The following MTUS1 variants were observed in gnomAD, a reference collection of about 807,000 sequenced individuals.
The protein encoded by MTUS1 is microtubule associated scaffold protein 1, also known as microtubule-associated tumor suppressor 1.
A neutral mutation model predicts 120.8 loss-of-function variants in MTUS1; 109 were observed. The observed-to-expected ratio is 0.90, with a 90% CI of 0.77 to 1.06. The LOEUF (loss-of-function observed/expected upper bound fraction) is 1.06. Ranked by LOEUF, MTUS1 falls within the 50% of genes least tolerant of loss-of-function variation. The pLI, the probability that MTUS1 is intolerant of heterozygous loss-of-function variation, is 0.00. For synonymous variants in MTUS1, 737 were observed against 550.5 expected (o/e 1.34, Z -4.74); for missense variants, 2,210 against 1,486.3 (o/e 1.49, Z -8.01).
intron 1 of MTUS1, among the ~76,000 whole-genome samples, chr8:17,775,577 T>G (rs980596526): frequency 6.6e-6 from 1 of 152,254 alleles, no homozygotes; most frequent in Non-Finnish European, 1.5e-5. Flanking sequence ...TTGCAAGTTC[T>G]TTGTTAAAAT....
intron 8 of MTUS1, chr8:17,674,479 G>C: frequency 1.0e-6 from 1 of 985,220 alleles, no homozygotes; most frequent in Non-Finnish European, 1.2e-6. Context: ...GCAGTGTCGT[G>C]TCTGTTCCAT....
intron 4 of MTUS1, chr8:17,722,624 A>G (rs1389267493): frequency 1.1e-6 from 1 of 950,210 alleles, no homozygotes; most frequent in East Asian, 1.2e-4. Flanking sequence ...GTGCTCATTA[A>G]TTCGGTCATT....
chr8:17,758,605 A>C lies in MTUS1; in HGVS notation c.-154-2644T>G, dbSNP rs145518201. Among the ~76,000 whole-genome samples the C allele has an allele frequency of 1.4e-3, 209 of 152,374 alleles. 1 individual carries two copies. The highest frequency in any genetic ancestry group is 4.6e-3 in the African/African-American group (190 of 41,600). On this transcript the variant is annotated intron_variant, in intron 1 of 14. Coordinates refer to ENST00000693296, the MANE Select transcript of MTUS1 (RefSeq NM_001363059.2). ...AATATATTTATTCATTTTTAGGCTT[A>C]CATGCAGGGGATATAATTTCCAAAA...
chr8:17,793,922 A>G (rs1217289846), intron 1 of MTUS1, among the ~76,000 whole-genome samples: 2 of 152,176 alleles, frequency 1.3e-5, no homozygotes, highest in Non-Finnish European at 1.5e-5. Context: ...CACTTTTCAC[A>G]ATGATTGGGG....
intron 2 of MTUS1, among the ~76,000 whole-genome samples, chr8:17,744,575 C>T (rs911879243): frequency 6.6e-6 from 1 of 151,750 alleles, no homozygotes; most frequent in African/African-American, 2.4e-5. Context: ...TGCACACCAC[C>T]ATCAATCTTT....
chr8:17,711,103 C>T (rs187983381), intron 6 of MTUS1, among the ~76,000 whole-genome samples: 13 of 152,278 alleles, frequency 8.5e-5, no homozygotes, highest in African/African-American at 2.2e-4. Flanking sequence ...GTAGATTTAA[C>T]GTAATTCTTA....
At chr8:17,762,502 C>G (rs191357547) in intron 1 of MTUS1, among the ~76,000 whole-genome samples, 7 of 152,198 alleles carry the variant, frequency 4.6e-5, no homozygotes, top group Non-Finnish European at 1.0e-4. Flanking sequence ...TAATAGCCAC[C>G]TCAAGCACTA....
At chr8:17,707,301 T>C (rs1467003584) in intron 6 of MTUS1, among the ~76,000 whole-genome samples, 1 of 152,246 alleles carries the variant, frequency 6.6e-6, no homozygotes, top group Admixed American at 6.5e-5. Flanking sequence ...CAGCATCATT[T>C]TTCAGCATCA....
intron 7 of MTUS1, among the ~76,000 whole-genome samples, chr8:17,681,289 G>T (rs968914360): frequency 1.3e-5 from 2 of 152,174 alleles, no homozygotes; most frequent in African/African-American, 4.8e-5. Context: ...TTAAATGCAA[G>T]TGGTGATGTG....
At chr8:17,760,539 C>T (rs2048964015) in intron 1 of MTUS1, among the ~76,000 whole-genome samples, 1 of 152,124 alleles carries the variant, frequency 6.6e-6, no homozygotes, top group South Asian at 2.1e-4. Context: ...CCGGCCTTCG[C>T]TCAGGAGTTT....
intron 4 of MTUS1, 130 bp from the exon 5 acceptor site, chr8:17,716,031 A>G: frequency 1.3e-6 from 1 of 777,246 alleles, no homozygotes; most frequent in South Asian, 1.8e-5. Flanking sequence ...ATTACTGAAC[A>G]TTGGGAATAC....
chr8:17,715,343 G>A (rs1420394221), intron 5 of MTUS1, among the ~76,000 whole-genome samples: 4 of 152,248 alleles, frequency 2.6e-5, no homozygotes, highest in East Asian at 1.9e-4. Flanking sequence ...TGAGGGATAT[G>A]AGAAGGAACA....
rs150394480 is a variant in MTUS1, at chr8:17,669,896, C to T, written c.2905+5290G>A. ...AGTAGAGACACATGTCAGCCTGACT[C>T]TAAGTACAGATCCTGGCCGCAAGTG... is the stretch of plus-strand genomic sequence containing the variant. On this transcript the variant is annotated intron_variant, in intron 8 of 14. Coordinates refer to ENST00000693296, the MANE Select transcript of MTUS1 (RefSeq NM_001363059.2). Among the ~76,000 whole-genome samples, 1,011 of 152,252 alleles carry T rather than the reference C, an allele frequency of 6.6e-3. 11 individuals are homozygous for T. The highest frequency in any genetic ancestry group is 0.023 in the African/African-American group (952 of 41,546).
chr8:17,711,628 T>A (rs1821319230), intron 6 of MTUS1, among the ~76,000 whole-genome samples: 1 of 152,210 alleles, frequency 6.6e-6, no homozygotes, highest in Admixed American at 6.5e-5. Flanking sequence ...CTTATTTGAG[T>A]GTTCACTAGA....
intron 1 of MTUS1, among the ~76,000 whole-genome samples, chr8:17,775,424 A>G (rs962145135): frequency 6.6e-6 from 1 of 152,108 alleles, no homozygotes; most frequent in African/African-American, 2.4e-5. Context: ...AGTATCTGAG[A>G]CCTCAAATGC....
At chr8:17,801,121 T>C (rs1409523699), upstream of MTUS1, among the ~76,000 whole-genome samples, 5 of 151,362 alleles carry the variant, frequency 3.3e-5, 1 homozygote, top group South Asian at 1.0e-3. Context: ...CTGGCGCCCT[T>C]TGCACCACTG....
At chr8:17,702,070 TC>T (rs1447079253) in intron 6 of MTUS1, among the ~76,000 whole-genome samples, 1 of 152,144 alleles carries the variant, frequency 6.6e-6, no homozygotes, top group African/African-American at 2.4e-5. Flanking sequence ...TTTCCAATTT[TC>T]CCCCATTGTA....
chr8:17,679,214 A>G (rs1563187493), intron 7 of MTUS1, among the ~76,000 whole-genome samples: 1 of 63,542 alleles, frequency 1.6e-5, no homozygotes, highest in Non-Finnish European at 4.4e-5. Context: ...ACACACACAC[A>G]AATACCTATA....
Position 17,753,952 on chromosome 8 carries a change from C to G in MTUS1, c.1856G>C (p.Ser619Thr). The change falls in exon 2 of 15, where the codon AGT becomes ACT. Residue 619 changes from serine (S) to threonine (T), a missense_variant. Transcript: ENST00000693296. ...KSNQEDVDKA[S>T]SSNSACETGS... is the part of the protein sequence containing the mutation. ...GGTCTCGCATGCTGAGTTAGAAGAACTGGCTTTGTCAACATCTTCCTGATT... is the reference window on the plus strand; with the variant it reads ...GGTCTCGCATGCTGAGTTAGAAGAAGTGGCTTTGTCAACATCTTCCTGATT... 2 of 1,614,184 alleles carry G rather than the reference C, an allele frequency of 1.2e-6. No individual in the cohort carries two copies. The highest frequency in any genetic ancestry group is 1.7e-6 in the Non-Finnish European group (2 of 1,180,032).
Sources: gnomAD v4.1 joint callset for allele counts (sites outside exome capture counted in the v4.1 genomes callset) on GRCh38, gnomAD v4.1.1 for gene constraint, MANE v1.5 for transcripts, NCBI Gene and HGNC (gene_info 2026-07-23, HGNC 2026-07-21) for gene names.